The following TRIM16 variants were observed in gnomAD, a reference collection of about 807,000 sequenced individuals.
TRIM16 encodes tripartite motif-containing protein 16.
Under a neutral mutation model 50.4 loss-of-function variants are expected in TRIM16, and 33 were observed. The ratio of observed to expected loss-of-function variants is 0.65; its 90% CI spans 0.50 to 0.88. TRIM16 has a LOEUF of 0.88. Ranked by LOEUF, TRIM16 falls within the 40% of genes least tolerant of loss-of-function variation. The pLI is 0.00. For synonymous variants in TRIM16, 229 were observed against 270.7 expected (o/e 0.85, Z 1.51); for missense variants, 581 against 686.8 (o/e 0.85, Z 1.72).
chr17:15,669,076 TA>T (rs936961183), intron 6 of TRIM16, among the ~76,000 whole-genome samples: 6 of 151,796 alleles, frequency 4.0e-5, no homozygotes, highest in Non-Finnish European at 8.8e-5. Flanking sequence ...TGAAATATAA[TA>T]AAATATATAT....
At chr17:15,675,401 G>C (rs1988884265) in intron 6 of TRIM16, 1 of 165,842 alleles carries the variant, frequency 6.0e-6, no homozygotes, top group African/African-American at 2.4e-5. Flanking sequence ...TGAAGTCTCT[G>C]GTGTCTAATG....
At chr17:15,677,370 A>G (rs1988994343) in intron 5 of TRIM16, 90 bp from the exon 6 acceptor site, 8 of 933,646 alleles carry the variant, frequency 8.6e-6, no homozygotes, top group Non-Finnish European at 1.0e-5. Context: ...TTTAGAGAGG[A>G]GAAAACGAAA....
At chr17:15,680,639 T>G (rs929544467) in intron 4 of TRIM16, among the ~76,000 whole-genome samples, 4 of 152,136 alleles carry the variant, frequency 2.6e-5, no homozygotes, top group African/African-American at 7.2e-5. Context: ...CCTTCACTGC[T>G]ACTGCCATAC....
At chr17:15,632,027 A>G in intron 10 of TRIM16, 1 of 382,270 alleles carries the variant, frequency 2.6e-6, no homozygotes, top group Non-Finnish European at 4.8e-6. Context: ...TTGGGTCTCA[A>G]TTGTAAAAGA....
In TRIM16 at chr17:15,636,630, C is replaced by CTT. The variant is rs869137177; in HGVS notation, c.616-363_616-362dup. On this transcript the variant is annotated intron_variant, in intron 8 of 11. Coordinates refer to ENST00000649191, the MANE Select transcript of TRIM16 (RefSeq NM_001348119.1). ...ATATTTCAAGAGGTAAAGAATTTGG[C>CTT]TTTTTTTTTTTTTTTTTGTATAATC... 8.2e-4 allele frequency among the ~76,000 whole-genome samples: 99 copies of CTT among 121,194 alleles called. 2 individuals are homozygous for CTT. Among genetic ancestry groups the CTT allele is most frequent in the African/African-American group, 2.3e-3 (75 of 32,866 alleles). The allele number at this position is 121,194 out of a possible 152,430, so 79.5% of individuals were successfully genotyped here. A position where few individuals can be genotyped will look rare whatever the true frequency, so the allele number is the denominator to read the frequency against.
chr17:15,650,264 G>A (rs1246715855), intron 7 of TRIM16, among the ~76,000 whole-genome samples: 1 of 152,180 alleles, frequency 6.6e-6, no homozygotes, highest in Non-Finnish European at 1.5e-5. Flanking sequence ...TGGGGCAAAC[G>A]TCAACTACAC....
intron 6 of TRIM16, among the ~76,000 whole-genome samples, chr17:15,660,052 G>A (rs974842972): frequency 6.6e-6 from 1 of 152,230 alleles, no homozygotes; most frequent in Non-Finnish European, 1.5e-5. Flanking sequence ...GGGTGAGGGT[G>A]AGGGTCCTCT....
intron 6 of TRIM16, among the ~76,000 whole-genome samples, chr17:15,664,869 T>TA (rs1450441568): frequency 2.6e-5 from 4 of 151,852 alleles, no homozygotes; most frequent in Non-Finnish European, 5.9e-5. Context: ...CCGACTCTAC[T>TA]AAAAATACAA....
At chr17:15,641,157 A>C (rs957786053) in intron 8 of TRIM16, among the ~76,000 whole-genome samples, 2 of 147,760 alleles carry the variant, frequency 1.4e-5, no homozygotes, top group Non-Finnish European at 3.0e-5. Context: ...CTCATTCCTA[A>C]ACCCTCCCAT....
chr17:15,659,486 A>G (rs1417056265), intron 6 of TRIM16, among the ~76,000 whole-genome samples: 2 of 152,144 alleles, frequency 1.3e-5, no homozygotes, highest in Non-Finnish European at 2.9e-5. Context: ...TTCCAGACAC[A>G]AGGGCGTGAC....
intron 6 of TRIM16, among the ~76,000 whole-genome samples, chr17:15,672,231 AAGAATC>A (rs1381331363): frequency 6.6e-6 from 1 of 151,490 alleles, no homozygotes; most frequent in Non-Finnish European, 1.5e-5. Flanking sequence ...TTAAAAACTA[AAGAATC>A]CAGATTACCT....
chr17:15,632,890 A>T, intron 9 of TRIM16: 1 of 554,360 alleles, frequency 1.8e-6, no homozygotes, highest in South Asian at 4.6e-5. Context: ...ATTTTAAAAA[A>T]AACAAGTGAG....
chr17:15,636,056 T>G lies in TRIM16; in HGVS notation c.829A>C (p.Asn277His), dbSNP rs762038356. Reference sequence around the variant, plus strand: ...CATACCTCCAAGAACTGGACAGTGTTGCTGATGGCCGCCATCCTCTCCAGC... The same window carrying G: ...CATACCTCCAAGAACTGGACAGTGTGGCTGATGGCCGCCATCCTCTCCAGC... ...QELERMAAIS[N>H]TVQFLEEYCK... Residue 277 changes from asparagine (N) to histidine (H), a missense_variant, in exon 9 of 12, where the codon AAC (asparagine) becomes CAC (histidine). Physicochemically the swap from Asn to His is moderately conservative, Grantham distance 68 (BLOSUM62 1). This residue lies in a region of TRIM16 where 450 missense variants were observed against 544.3 expected (regional missense o/e 0.83). Coordinates refer to ENST00000649191, the MANE Select transcript of TRIM16 (RefSeq NM_001348119.1). The G allele has an allele frequency of 6.2e-7, 1 of 1,610,980 alleles. No homozygotes were observed. Among genetic ancestry groups the G allele is most frequent in the Non-Finnish European group, 8.5e-7 (1 of 1,179,286 alleles).
At chr17:15,636,789 G>C (rs1177329509) in intron 8 of TRIM16, among the ~76,000 whole-genome samples, 1 of 148,836 alleles carries the variant, frequency 6.7e-6, no homozygotes, top group African/African-American at 2.5e-5. Flanking sequence ...TTAGGGTGCA[G>C]ACGACCATGG....
Position 15,631,753 on chromosome 17 carries a change from G to A in TRIM16, c.1016-39C>T, listed in dbSNP as rs1281755775. 1.9e-6 allele frequency: 3 copies of A among 1,600,874 alleles called. No individual in the cohort carries two copies. The South Asian group carries it at 3.3e-5, about 18-fold the overall frequency. Reference sequence around the variant, plus strand: ...AGAGTTGTGAATGCACACCTGTCCAGGTGGTCAGGAGAATCTGCAAATCAG... The same window carrying A: ...AGAGTTGTGAATGCACACCTGTCCAAGTGGTCAGGAGAATCTGCAAATCAG... On this transcript the variant is annotated intron_variant, in intron 10 of 11. Coordinates refer to ENST00000649191, the MANE Select transcript of TRIM16 (RefSeq NM_001348119.1).
At chr17:15,650,300 C>T (rs1987624942) in intron 7 of TRIM16, among the ~76,000 whole-genome samples, 2 of 152,112 alleles carry the variant, frequency 1.3e-5, no homozygotes, top group African/African-American at 4.8e-5. Flanking sequence ...TAAAAGTGTT[C>T]GCTGAAAGTC....
Position 15,628,165 on chromosome 17 carries a change from T to C in TRIM16, c.*450A>G, listed in dbSNP as rs542919232. The C allele has an allele frequency of 1.9e-5, 3 of 156,688 alleles. No individual in the cohort carries two copies. Among genetic ancestry groups the C allele is most frequent in the Admixed American group, 1.9e-4 (3 of 16,030 alleles). The allele number at this position is 156,688 out of a possible 1,614,324, so 9.7% of individuals were successfully genotyped here. A position where few individuals can be genotyped will look rare whatever the true frequency, so the allele number is the denominator to read the frequency against. On this transcript the variant is annotated 3_prime_UTR_variant, in exon 12 of 12. Coordinates refer to ENST00000649191, the MANE Select transcript of TRIM16 (RefSeq NM_001348119.1). ...TGGCTCACGCATGTAATCCCAGCACTTTGGGAGGCCGAGGTGGGTGCATCA... is the reference window on the plus strand; with the variant it reads ...TGGCTCACGCATGTAATCCCAGCACCTTGGGAGGCCGAGGTGGGTGCATCA...
chr17:15,674,720 T>C (rs1485380135), intron 6 of TRIM16, among the ~76,000 whole-genome samples: 1 of 152,160 alleles, frequency 6.6e-6, no homozygotes. Flanking sequence ...TATCCTGCTC[T>C]CCCCAGAAAC....
intron 11 of TRIM16, 41 bp downstream of exon 11, chr17:15,631,578 G>A (rs769908147): frequency 8.1e-6 from 13 of 1,608,430 alleles, no homozygotes; most frequent in Non-Finnish European, 1.1e-5. Flanking sequence ...GCACTGCACT[G>A]ATATCAACAA....
Sources: gnomAD v4.1 joint callset for allele counts (sites outside exome capture counted in the v4.1 genomes callset) on GRCh38, gnomAD v4.1.1 for gene constraint, gnomAD v4.1.1 regional missense constraint, MANE v1.5 for transcripts, NCBI Gene and HGNC (gene_info 2026-07-23, HGNC 2026-07-21) for gene names.